The following KCNN3 variants were observed in gnomAD, a reference collection of about 807,000 sequenced individuals.
KCNN3 encodes the protein small conductance calcium-activated potassium channel protein 3.
In KCNN3, 16 loss-of-function variants were observed where a neutral mutation model predicts 62.9. The ratio of observed to expected loss-of-function variants is 0.25; its 90% CI spans 0.17 to 0.39. KCNN3 has a LOEUF of 0.39. Among genes scored for constraint, KCNN3 ranks in the 10% least tolerant of loss-of-function variants. The pLI, the probability that KCNN3 is intolerant of heterozygous loss-of-function variation, is 1.00. For synonymous variants in KCNN3, 370 were observed against 389.2 expected (o/e 0.95, Z 0.58); for missense variants, 599 against 949.4 (o/e 0.63, Z 4.85).
intron 3 of KCNN3, 94 bp from the exon 4 acceptor site, chr1:154,733,238 T>A: frequency 1.5e-6 from 2 of 1,351,436 alleles, no homozygotes; most frequent in Non-Finnish European, 2.1e-6. Context: ...AATGAGATAT[T>A]TTGCTGAGGA....
intron 3 of KCNN3, among the ~76,000 whole-genome samples, chr1:154,753,660 C>A (rs184707227): frequency 6.6e-6 from 1 of 152,240 alleles, no homozygotes; most frequent in Non-Finnish European, 1.5e-5. Context: ...TCCTCATCCA[C>A]GAAATAGGGA....
chr1:154,870,056 A>G lies in KCNN3; in HGVS notation c.-92T>C. On this transcript the variant is annotated 5_prime_UTR_variant, in exon 1 of 8. Coordinates refer to ENST00000271915, the MANE Select transcript of KCNN3 (RefSeq NM_002249.6). ...GTCCTCAAAGAAAGCCAGGCATCCA[A>G]TCTCCCCCACCAGTATCTTGGCTCC... is the stretch of plus-strand genomic sequence containing the variant. The G allele has an allele frequency of 1.4e-6, 2 of 1,409,674 alleles. No homozygotes were observed. Among genetic ancestry groups the G allele is most frequent in the Non-Finnish European group, 9.8e-7 (1 of 1,017,208 alleles). 87.3% of individuals were successfully genotyped at this position (1,409,674 alleles called of 1,614,324 possible). A position where few individuals can be genotyped will look rare whatever the true frequency, so the allele number is the denominator to read the frequency against.
intron 1 of KCNN3, among the ~76,000 whole-genome samples, chr1:154,844,607 C>T (rs1222594565): frequency 1.3e-5 from 2 of 152,208 alleles, no homozygotes; most frequent in Admixed American, 6.5e-5. Context: ...GTTTGTATCG[C>T]TTTTTTATAT....
intron 2 of KCNN3, among the ~76,000 whole-genome samples, chr1:154,779,579 T>C (rs1381701336): frequency 6.6e-6 from 1 of 152,224 alleles, no homozygotes; most frequent in East Asian, 1.9e-4. Context: ...GCAGTTTAGT[T>C]GTTTTGCATA....
intron 1 of KCNN3, chr1:154,867,927 C>G (rs1232173231): frequency 1.0e-6 from 1 of 984,764 alleles, no homozygotes; most frequent in Non-Finnish European, 1.2e-6. Context: ...CCCCGGCAAG[C>G]AGAGCATCGG....
chr1:154,714,172 TG>T (rs1700147143), intron 6 of KCNN3, among the ~76,000 whole-genome samples: 1 of 124,264 alleles, frequency 8.0e-6, no homozygotes, highest in Admixed American at 7.9e-5. Context: ...GTGTGTGATG[TG>T]TGGTGTGTGG....
intron 2 of KCNN3, among the ~76,000 whole-genome samples, chr1:154,795,125 A>G (rs1649675304): frequency 6.6e-6 from 1 of 152,182 alleles, no homozygotes; most frequent in Non-Finnish European, 1.5e-5. Flanking sequence ...TGAGAGAATG[A>G]CATCCTAACG....
At chr1:154,851,552 A>G (rs1652300037) in intron 1 of KCNN3, among the ~76,000 whole-genome samples, 1 of 152,208 alleles carries the variant, frequency 6.6e-6, no homozygotes. Flanking sequence ...CCATCCTTCC[A>G]GTTGCTTGGG....
chr1:154,814,872 C>T (rs571534211), intron 2 of KCNN3, among the ~76,000 whole-genome samples: 1 of 152,240 alleles, frequency 6.6e-6, no homozygotes, highest in South Asian at 2.1e-4. Flanking sequence ...AGAAGAGCAG[C>T]GCTCCAGTGA....
At chr1:154,832,566 T>C (rs1023635643) in intron 1 of KCNN3, among the ~76,000 whole-genome samples, 1 of 152,192 alleles carries the variant, frequency 6.6e-6, no homozygotes, top group African/African-American at 2.4e-5. Flanking sequence ...GCCAAGGATC[T>C]GGCCCCCATA....
chr1:154,790,972 T>TG, intron 2 of KCNN3, among the ~76,000 whole-genome samples: 2 of 152,176 alleles, frequency 1.3e-5, no homozygotes, highest in African/African-American at 4.8e-5. Context: ...CTCACGCCTG[T>TG]AATCCCAGCA....
intron 6 of KCNN3, among the ~76,000 whole-genome samples, chr1:154,714,240 GGTGT>G (rs1700157591): frequency 6.6e-5 from 1 of 15,232 alleles, no homozygotes; most frequent in Non-Finnish European, 1.5e-4. Context: ...GGGTGTGTGC[GGTGT>G]GTATGGTGTG....
At chr1:154,742,979 C>T (rs1700857403) in intron 3 of KCNN3, among the ~76,000 whole-genome samples, 1 of 152,184 alleles carries the variant, frequency 6.6e-6, no homozygotes, top group South Asian at 2.1e-4. Flanking sequence ...GTGGCTGCAG[C>T]CCCTTCTCTT....
intron 3 of KCNN3, among the ~76,000 whole-genome samples, chr1:154,735,011 G>T (rs896902298): frequency 2.6e-5 from 4 of 152,294 alleles, no homozygotes; most frequent in Middle Eastern, 3.4e-3. Context: ...AGAGACCAGG[G>T]GTCAGATTTA....
chr1:154,780,407 A>G (rs912301179), intron 2 of KCNN3, among the ~76,000 whole-genome samples: 4 of 150,080 alleles, frequency 2.7e-5, no homozygotes, highest in African/African-American at 9.7e-5. Context: ...TCACTCTTGC[A>G]CAACTGTGAA....
At position 154,726,889 on chromosome 1, in the gene KCNN3, T is replaced by C. The variant is rs370511092; in HGVS notation, c.1591-863A>G. Among the ~76,000 whole-genome samples, 12 of 152,342 alleles carry C rather than the reference T, an allele frequency of 7.9e-5. No individual in the cohort carries two copies. In the East Asian group the frequency reaches 9.7e-4, roughly 12 times the overall value. On this transcript the variant is annotated intron_variant, in intron 4 of 7. Transcript: ENST00000271915. ...GGGTGGGCAAGGAAGCAGGCTCTGC[T>C]GAGCCCCCAGAATGGTGGGACTCAC...
chr1:154,754,071 T>A (rs898200026), intron 3 of KCNN3, among the ~76,000 whole-genome samples: 1 of 152,202 alleles, frequency 6.6e-6, no homozygotes, highest in Admixed American at 6.5e-5. Context: ...GTTGCTGATG[T>A]TACTAAAATT....
Position 154,772,929 on chromosome 1 carries a change from C to G in KCNN3, c.1030-536G>C, listed in dbSNP as rs1241057657. 6.6e-6 allele frequency among the ~76,000 whole-genome samples: 1 copy of G among 152,134 alleles called. No homozygotes were observed. The highest frequency in any genetic ancestry group is 1.5e-5 in the Non-Finnish European group (1 of 68,028). On this transcript the variant is annotated intron_variant, in intron 2 of 7. Transcript: ENST00000271915. This position sits in a 1 kb window ranked among gnomAD's most constrained non-coding sequence, Gnocchi z 5.6. ...AGAGGGGCCCGAAGGTTGAGTTGAT[C>G]ACCAATGGCCAATGATGTCATCAAT...
At chr1:154,757,066 GA>G (rs746990028) in intron 3 of KCNN3, among the ~76,000 whole-genome samples, 4 of 152,182 alleles carry the variant, frequency 2.6e-5, no homozygotes, top group Non-Finnish European at 5.9e-5. Context: ...ATGATGAAGG[GA>G]AACGGCAGAG....
Sources: allele counts gnomAD v4.1 joint callset (sites outside exome capture counted in the v4.1 genomes callset), GRCh38; gene constraint gnomAD v4.1.1; non-coding constraint Gnocchi (gnomAD v3.1); transcripts MANE v1.5; gene names NCBI Gene and HGNC (gene_info 2026-07-23, HGNC 2026-07-21).